The following CUX1 variants were observed in gnomAD, a reference collection of about 807,000 sequenced individuals.
The protein encoded by CUX1 is protein CASP.
In CUX1, 31 loss-of-function variants were observed where a neutral mutation model predicts 158.8. The observed-to-expected ratio is 0.20, with a 90% confidence interval of 0.15 to 0.26. The LOEUF is 0.26. CUX1 is among the 10% of genes least tolerant of loss of function. The probability of loss-of-function intolerance (pLI) is 1.00; values close to 1 mark genes in which losing one functional copy is unlikely to be tolerated. For synonymous variants in CUX1, 879 were observed against 862.1 expected (o/e 1.02, Z -0.34); for missense variants, 1,589 against 2,014.6 (o/e 0.79, Z 4.04).
intron 23 of CUX1, among the ~76,000 whole-genome samples, chr7:102,245,847 C>A (rs1402951941): frequency 2.0e-5 from 3 of 151,890 alleles, no homozygotes; most frequent in African/African-American, 7.3e-5. Flanking sequence ...TGGCACGTAC[C>A]TGTAGTCCCA....
chr7:102,281,642 G>A (rs1277274030), intron 20 of CUX1, among the ~76,000 whole-genome samples: 4 of 151,760 alleles, frequency 2.6e-5, no homozygotes, highest in African/African-American at 7.3e-5. Flanking sequence ...CAGCCTGGGC[G>A]ACAGAGGGAG....
chr7:102,089,499 C>A (rs1032755448), intron 4 of CUX1, among the ~76,000 whole-genome samples: 1 of 152,084 alleles, frequency 6.6e-6, no homozygotes, highest in African/African-American at 2.4e-5. Context: ...TATGGGCAAG[C>A]CTTGAAGATG....
intron 17 of CUX1, among the ~76,000 whole-genome samples, chr7:102,276,011 C>A (rs1478976954): frequency 7.4e-4 from 102 of 137,212 alleles, no homozygotes; most frequent in African/African-American, 8.1e-4. Flanking sequence ...GACTCCATCT[C>A]AAAAAAAAAA....
At chr7:101,862,611 G>T (rs553174502) in intron 1 of CUX1, among the ~76,000 whole-genome samples, 1 of 152,252 alleles carries the variant, frequency 6.6e-6, no homozygotes, top group South Asian at 2.1e-4. Context: ...TTTTCCTCCT[G>T]CCTATAAAAA....
At chr7:102,112,698 G>A (rs1228057875) in intron 7 of CUX1, among the ~76,000 whole-genome samples, 1 of 151,652 alleles carries the variant, frequency 6.6e-6, no homozygotes, top group Non-Finnish European at 1.5e-5. Flanking sequence ...AGCCTCCCCA[G>A]TAGGTCGGAT....
At chr7:102,067,986 A>C (rs575022572) in intron 3 of CUX1, among the ~76,000 whole-genome samples, 1 of 151,838 alleles carries the variant, frequency 6.6e-6, no homozygotes, top group Non-Finnish European at 1.5e-5. Context: ...GCGCCACTGC[A>C]CTCCAGCCTG....
chr7:102,017,548 A>G lies in CUX1; in HGVS notation c.142-10550A>G, dbSNP rs77205020. Among the ~76,000 whole-genome samples, 137 of 152,230 alleles carry G rather than the reference A, an allele frequency of 9.0e-4. No homozygotes were observed. In the East Asian group the frequency reaches 0.023, roughly 26 times the overall value. The stretch of plus-strand genomic sequence containing the variant: ...TAATGCTCAAATGGTTTTTGAATAA[A>G]TTAAAATACAATATGTGGGCCAGTG... On this transcript the variant is annotated intron_variant, in intron 2 of 23. Transcript: ENST00000292535.
chr7:102,164,346 C>A (rs1554508054), intron 9 of CUX1, among the ~76,000 whole-genome samples: 4 of 152,334 alleles, frequency 2.6e-5, no homozygotes, highest in African/African-American at 9.6e-5. Flanking sequence ...TTCTTTACTA[C>A]CTACGAGGCC....
intron 2 of CUX1, among the ~76,000 whole-genome samples, chr7:101,936,966 A>G (rs1215410805): frequency 1.3e-5 from 2 of 152,108 alleles, no homozygotes; most frequent in Non-Finnish European, 2.9e-5. Context: ...CCCACCCTAG[A>G]CTTAGTGAGA....
chr7:101,841,275 G>A lies in CUX1; in HGVS notation c.30+23606G>A, dbSNP rs567846222. 3.3e-5 allele frequency among the ~76,000 whole-genome samples: 5 copies of A among 151,972 alleles called. No individual in the cohort carries two copies. In the South Asian group the frequency reaches 8.3e-4, roughly 25 times the overall value. On this transcript the variant is annotated intron_variant, in intron 1 of 23. Transcript: ENST00000292535. Reference sequence around the variant, plus strand: ...TTTATCTTGGTTTTAAAACTTAACTGTTCTGTGATCATAGTATTTTTTTTT... The same window carrying A: ...TTTATCTTGGTTTTAAAACTTAACTATTCTGTGATCATAGTATTTTTTTTT...
intron 2 of CUX1, among the ~76,000 whole-genome samples, chr7:101,935,368 G>A (rs139853187): frequency 0.023 from 3,558 of 152,234 alleles, 54 homozygotes; most frequent in African/African-American, 0.039. Flanking sequence ...CTGCACCCAG[G>A]TGAAATAAAC....
At position 101,817,750 on chromosome 7, in the gene CUX1, G is replaced by T; in HGVS notation, c.30+81G>T. On this transcript the variant is annotated intron_variant, in intron 1 of 23. Coordinates refer to ENST00000292535, the MANE Select transcript of CUX1 (RefSeq NM_181552.4). The surrounding 1 kb of genome is among the most constrained non-coding windows in gnomAD (Gnocchi z 4.1). ...ATGTCGGGGGGTGCCCGGGTCCCGC[G>T]GCTTAGAATGCTCTAGGGCGGCCTG... The T allele has an allele frequency of 1.3e-6, 2 of 1,514,432 alleles. No individual in the cohort carries two copies. Among genetic ancestry groups the T allele is most frequent in the Non-Finnish European group, 1.8e-6 (2 of 1,124,574 alleles). The allele number at this position is 1,514,432 out of a possible 1,614,324, so 93.8% of individuals were successfully genotyped here. A position where few individuals can be genotyped will look rare whatever the true frequency, so the allele number is the denominator to read the frequency against.
chr7:102,075,469 CTGTT>C (rs1370852107), intron 4 of CUX1, among the ~76,000 whole-genome samples: 1 of 152,234 alleles, frequency 6.6e-6, no homozygotes, highest in Non-Finnish European at 1.5e-5. Context: ...TCCTTGGTAA[CTGTT>C]TGGCCGAGAG....
chr7:101,866,288 C>T (rs1223166930), intron 1 of CUX1, among the ~76,000 whole-genome samples: 2 of 150,338 alleles, frequency 1.3e-5, no homozygotes, highest in Admixed American at 6.6e-5. Context: ...ATGGCGACAC[C>T]CCATCTCTAC....
chr7:101,971,248 T>A (rs1469194204), intron 2 of CUX1, among the ~76,000 whole-genome samples: 1 of 152,192 alleles, frequency 6.6e-6, no homozygotes, highest in East Asian at 1.9e-4. Flanking sequence ...GCTGGTTGTG[T>A]TCTGCTCACT....
chr7:102,275,739 T>C (rs954040706), intron 17 of CUX1, among the ~76,000 whole-genome samples: 9 of 152,174 alleles, frequency 5.9e-5, no homozygotes, highest in African/African-American at 1.9e-4. Context: ...CCAGGTGCGG[T>C]GGCTCACACC....
intron 1 of CUX1, among the ~76,000 whole-genome samples, chr7:101,889,258 CAAA>C (rs55853593): frequency 8.4e-4 from 95 of 112,690 alleles, no homozygotes; most frequent in Non-Finnish European, 8.8e-4. Flanking sequence ...GACCCTGTCT[CAAA>C]AAAAAAAAAA....
At chr7:101,936,693 G>A (rs1420356433) in intron 2 of CUX1, among the ~76,000 whole-genome samples, 2 of 152,146 alleles carry the variant, frequency 1.3e-5, no homozygotes, top group Non-Finnish European at 2.9e-5. Context: ...GGGGGCCAGC[G>A]GAGGAAACTG....
At chr7:101,900,971 T>C (rs1487672846) in intron 1 of CUX1, among the ~76,000 whole-genome samples, 1 of 152,228 alleles carries the variant, frequency 6.6e-6, no homozygotes, top group Non-Finnish European at 1.5e-5. Context: ...TGGAACTTTT[T>C]TTTAACTTAG....
Sources: gnomAD v4.1 joint callset for allele counts (sites outside exome capture counted in the v4.1 genomes callset) on GRCh38, gnomAD v4.1.1 for gene constraint, Gnocchi (gnomAD v3.1) non-coding constraint, MANE v1.5 for transcripts, NCBI Gene and HGNC (gene_info 2026-07-23, HGNC 2026-07-21) for gene names.